Variants in MEGF11 observed in about 807,000 individuals in gnomAD.
MEGF11 encodes multiple EGF like domains 11.
A neutral mutation model predicts 146.6 loss-of-function variants in MEGF11; 126 were observed. The ratio of observed to expected loss-of-function variants is 0.86; its 90% CI spans 0.74 to 1.00. The LOEUF (loss-of-function observed/expected upper bound fraction) is 1.00, where lower values mean the gene tolerates loss of function less well. Among genes scored for constraint, MEGF11 ranks in the 50% least tolerant of loss-of-function variants. The pLI, the probability that MEGF11 is intolerant of heterozygous loss-of-function variation, is 0.00. For synonymous variants in MEGF11, 532 were observed against 583.4 expected (o/e 0.91, Z 1.27); for missense variants, 1,509 against 1,521.2 (o/e 0.99, Z 0.13).
chr15:65,950,161 A>G (rs1244429705), intron 10 of MEGF11, among the ~76,000 whole-genome samples: 2 of 152,180 alleles, frequency 1.3e-5, no homozygotes, highest in Admixed American at 1.3e-4. Context: ...CATCATCATC[A>G]ACAGCAATAA....
At chr15:66,101,100 G>A (rs2086788315) in intron 4 of MEGF11, among the ~76,000 whole-genome samples, 2 of 152,090 alleles carry the variant, frequency 1.3e-5, no homozygotes, top group Non-Finnish European at 2.9e-5. Context: ...CATTACTGGT[G>A]CTGAAATCAT....
intron 1 of MEGF11, among the ~76,000 whole-genome samples, chr15:66,195,171 A>C (rs2090978922): frequency 6.6e-6 from 1 of 152,152 alleles, no homozygotes; most frequent in East Asian, 1.9e-4. Flanking sequence ...ATCTCTTCTC[A>C]TGATGATGCC....
At chr15:65,989,780 C>A (rs1287213347) in intron 5 of MEGF11, among the ~76,000 whole-genome samples, 1 of 152,194 alleles carries the variant, frequency 6.6e-6, no homozygotes, top group Non-Finnish European at 1.5e-5. Flanking sequence ...ATCTGTAAAA[C>A]AGGTTTGGAT....
chr15:65,946,542 A>G (rs1284276283), intron 10 of MEGF11, among the ~76,000 whole-genome samples: 1 of 152,066 alleles, frequency 6.6e-6, no homozygotes, highest in African/African-American at 2.4e-5. Flanking sequence ...ACTGGCACCC[A>G]CCACCATGCC....
intron 1 of MEGF11, among the ~76,000 whole-genome samples, chr15:66,144,782 G>C (rs1303707924): frequency 1.3e-5 from 2 of 152,176 alleles, no homozygotes; most frequent in Non-Finnish European, 2.9e-5. Context: ...TCTGCAGGCA[G>C]GTGCCGTAGC....
chr15:65,983,645 A>G (rs2081741535), intron 5 of MEGF11, among the ~76,000 whole-genome samples: 1 of 152,116 alleles, frequency 6.6e-6, no homozygotes, highest in Non-Finnish European at 1.5e-5. Flanking sequence ...AGGGTGAGCA[A>G]CCATCTTGCT....
chr15:65,942,688 C>T (rs1201763656), intron 10 of MEGF11, among the ~76,000 whole-genome samples: 2 of 152,070 alleles, frequency 1.3e-5, no homozygotes, highest in East Asian at 1.9e-4. Context: ...CTCATCTCTC[C>T]CTGCTTCCCT....
At chr15:66,228,588 G>A (rs532806810) in intron 1 of MEGF11, among the ~76,000 whole-genome samples, 1 of 152,056 alleles carries the variant, frequency 6.6e-6, no homozygotes, top group Non-Finnish European at 1.5e-5. Context: ...ACCCCAGAGA[G>A]AAGATGGCTC....
intron 1 of MEGF11, among the ~76,000 whole-genome samples, chr15:66,206,588 A>G (rs2091305482): frequency 6.6e-6 from 1 of 152,184 alleles, no homozygotes; most frequent in African/African-American, 2.4e-5. Context: ...GAGTTCAAAA[A>G]GTACAATAAC....
intron 10 of MEGF11, among the ~76,000 whole-genome samples, chr15:65,949,024 G>A (rs1390940578): frequency 6.6e-6 from 1 of 152,090 alleles, no homozygotes; most frequent in South Asian, 2.1e-4. Context: ...CTGGTTTTCT[G>A]TTCTTAGGGC....
chr15:66,136,107 T>C (rs1184412494), intron 1 of MEGF11, among the ~76,000 whole-genome samples: 2 of 152,232 alleles, frequency 1.3e-5, no homozygotes, highest in Non-Finnish European at 2.9e-5. Flanking sequence ...TCTTTGATCC[T>C]GGAAAACTCA....
intron 11 of MEGF11, 116 bp from the exon 12 acceptor site, chr15:65,929,999 T>A: frequency 9.4e-7 from 1 of 1,063,200 alleles, no homozygotes; most frequent in Non-Finnish European, 1.3e-6. Flanking sequence ...TCCTGAGGGC[T>A]GGGTTAGAAC....
chr15:65,985,906 G>A (rs995553010), intron 5 of MEGF11, among the ~76,000 whole-genome samples: 6 of 151,770 alleles, frequency 4.0e-5, no homozygotes, highest in African/African-American at 1.5e-4. Flanking sequence ...AACACAGACT[G>A]GCATGTGAGT....
chr15:66,064,970 A>G (rs2085059916), intron 5 of MEGF11, among the ~76,000 whole-genome samples: 1 of 152,214 alleles, frequency 6.6e-6, no homozygotes. Flanking sequence ...TCTGGAAGGC[A>G]CCAGGTCTCC....
At chr15:66,235,516 G>A (rs74245464) in intron 1 of MEGF11, among the ~76,000 whole-genome samples, 6,419 of 56,882 alleles carry the variant, frequency 0.11, 187 homozygotes, top group East Asian at 0.37. Context: ...AAAAAAAAAA[G>A]GTCAAAATCT....
At chr15:66,114,236 T>C (rs8039191) in intron 4 of MEGF11, among the ~76,000 whole-genome samples, 88,009 of 152,056 alleles carry the variant, frequency 0.58, 25,827 homozygotes, top group East Asian at 0.83. Context: ...ATGTTTCTGA[T>C]CCTCTCTGCC....
intron 10 of MEGF11, among the ~76,000 whole-genome samples, chr15:65,936,713 A>G (rs939723075): frequency 6.6e-6 from 1 of 152,236 alleles, no homozygotes. Flanking sequence ...TAGAAGCTTC[A>G]TGAGAAGAGG....
intron 8 of MEGF11, among the ~76,000 whole-genome samples, chr15:65,968,147 G>A (rs2081176782): frequency 6.6e-6 from 1 of 152,162 alleles, no homozygotes; most frequent in Non-Finnish European, 1.5e-5. Flanking sequence ...GTGATGTCTG[G>A]AGAAGGAATG....
At chr15:66,051,686 G>T (rs1435494437) in intron 5 of MEGF11, among the ~76,000 whole-genome samples, 1 of 152,212 alleles carries the variant, frequency 6.6e-6, no homozygotes, top group Non-Finnish European at 1.5e-5. Flanking sequence ...GGCATGCTCG[G>T]TGGCTCCTTG....
Sources: allele counts gnomAD v4.1 joint callset (sites outside exome capture counted in the v4.1 genomes callset), GRCh38; gene constraint gnomAD v4.1.1; transcripts MANE v1.5; gene names NCBI Gene and HGNC (gene_info 2026-07-23, HGNC 2026-07-21).